CSMD1: variants seen among roughly 807,000 people sequenced by gnomAD.
CSMD1 encodes CUB and sushi domain-containing protein 1.
CSMD1 carries 213 observed loss-of-function variants against 417.5 expected under a neutral mutation model. The observed-to-expected ratio is 0.51, with a 90% CI of 0.46 to 0.57. The LOEUF (loss-of-function observed/expected upper bound fraction) is 0.57, where lower values mean the gene tolerates loss of function less well. CSMD1 is among the 20% of genes least tolerant of loss of function. CSMD1 has a pLI of 0.00. For synonymous variants in CSMD1, 2,862 were observed against 1,736.8 expected, an observed-to-expected ratio of 1.65 and a Z score of -16.11; for missense variants, 6,923 against 4,529.7, an observed-to-expected ratio of 1.53 and a Z score of -15.17.
intron 3 of CSMD1, among the ~76,000 whole-genome samples, chr8:4,303,310 C>A (rs946415712): frequency 6.6e-6 from 1 of 151,990 alleles, no homozygotes; most frequent in African/African-American, 2.4e-5. Flanking sequence ...TATAACCTGG[C>A]ACTGACAAAT....
At chr8:3,800,500 C>A (rs1240614845) in intron 5 of CSMD1, among the ~76,000 whole-genome samples, 2 of 152,090 alleles carry the variant, frequency 1.3e-5, no homozygotes, top group Non-Finnish European at 2.9e-5. Flanking sequence ...GGATCCCTAC[C>A]TCACACCATA....
At chr8:3,671,956 A>G (rs775881691) in intron 7 of CSMD1, among the ~76,000 whole-genome samples, 2 of 152,150 alleles carry the variant, frequency 1.3e-5, no homozygotes, top group Non-Finnish European at 2.9e-5. Context: ...TTTCGACCAC[A>G]CATTTTTAGT....
chr8:3,674,178 A>G (rs1799244096), intron 7 of CSMD1, among the ~76,000 whole-genome samples: 1 of 152,202 alleles, frequency 6.6e-6, no homozygotes, highest in South Asian at 2.1e-4. Flanking sequence ...GAAGACTTCG[A>G]GAAAATACAA....
At chr8:4,909,719 G>T (rs533904785) in intron 1 of CSMD1, among the ~76,000 whole-genome samples, 1 of 152,252 alleles carries the variant, frequency 6.6e-6, no homozygotes, top group South Asian at 2.1e-4. Context: ...GCTCATGAAA[G>T]TGACCATTTA....
intron 2 of CSMD1, among the ~76,000 whole-genome samples, chr8:4,456,054 T>G (rs4875345): frequency 1.9e-5 from 2 of 107,042 alleles, no homozygotes; most frequent in East Asian, 5.9e-4. Flanking sequence ...AATACTATCA[T>G]TGACCAAAAA....
chr8:3,035,220 G>A (rs907467361), intron 50 of CSMD1, among the ~76,000 whole-genome samples: 1 of 152,130 alleles, frequency 6.6e-6, no homozygotes, highest in Non-Finnish European at 1.5e-5. Flanking sequence ...CACCATCATA[G>A]GCAGATACTG....
intron 4 of CSMD1, among the ~76,000 whole-genome samples, chr8:4,019,954 A>T (rs565611534): frequency 1.5e-4 from 23 of 151,644 alleles, no homozygotes; most frequent in African/African-American, 5.6e-4. Context: ...AGAGCTACCA[A>T]TATTGAGATC....
At chr8:3,830,966 C>T (rs141706265) in intron 5 of CSMD1, among the ~76,000 whole-genome samples, 167 of 152,186 alleles carry the variant, frequency 1.1e-3, no homozygotes, top group Admixed American at 1.9e-3. Flanking sequence ...TCACCTAGGA[C>T]GATTAACACA....
chr8:4,397,252 G>T (rs1038167507), intron 3 of CSMD1, among the ~76,000 whole-genome samples: 3 of 151,872 alleles, frequency 2.0e-5, no homozygotes, highest in Non-Finnish European at 4.4e-5. Flanking sequence ...GTGAGCATGC[G>T]TTTTTTCATA....
chr8:3,433,922 A>T (rs1210655845), intron 12 of CSMD1, among the ~76,000 whole-genome samples: 2 of 152,116 alleles, frequency 1.3e-5, no homozygotes, highest in Non-Finnish European at 2.9e-5. Context: ...AAGGTGCTCA[A>T]CCCTGCAAAA....
chr8:3,770,611 G>A (rs555898346), intron 5 of CSMD1, among the ~76,000 whole-genome samples: 1 of 152,158 alleles, frequency 6.6e-6, no homozygotes, highest in Non-Finnish European at 1.5e-5. Flanking sequence ...GGCCATAAAT[G>A]AAGGGAAGAA....
intron 47 of CSMD1, 118 bp downstream of exon 47, chr8:3,096,731 T>C: frequency 2.7e-6 from 2 of 741,196 alleles, no homozygotes; most frequent in Non-Finnish European, 4.3e-6. Context: ...TTGTTTGCTT[T>C]GGGAAAACAT....
intron 3 of CSMD1, among the ~76,000 whole-genome samples, chr8:4,282,420 C>G (rs1036616471): frequency 2.0e-5 from 3 of 152,154 alleles, no homozygotes; most frequent in African/African-American, 7.2e-5. Context: ...CAAGGATGTC[C>G]TCTTCTCCAA....
intron 7 of CSMD1, among the ~76,000 whole-genome samples, chr8:3,679,862 G>C (rs1417397760): frequency 1.3e-5 from 2 of 152,086 alleles, no homozygotes; most frequent in African/African-American, 4.8e-5. Flanking sequence ...AATCAAACAA[G>C]AACTCAGGAT....
chr8:4,250,792 C>G (rs964163577), intron 3 of CSMD1, among the ~76,000 whole-genome samples: 3 of 152,130 alleles, frequency 2.0e-5, no homozygotes, highest in Non-Finnish European at 4.4e-5. Context: ...AATTACTTTT[C>G]TCTGTTGAAA....
intron 42 of CSMD1, among the ~76,000 whole-genome samples, chr8:3,114,054 AAAACAAACAAACAAAC>A (rs139727872): frequency 6.6e-6 from 1 of 150,626 alleles, no homozygotes; most frequent in Non-Finnish European, 1.5e-5. Flanking sequence ...CCCATCTATT[AAAACAAACAAACAAAC>A]AAACAAACAA....
intron 26 of CSMD1, among the ~76,000 whole-genome samples, chr8:3,257,018 T>C (rs1800702233): frequency 1.3e-5 from 2 of 152,188 alleles, no homozygotes; most frequent in African/African-American, 4.8e-5. Flanking sequence ...CATTTATTCC[T>C]TCATTCAGAA....
chr8:3,803,562 G>A (rs1403330757), intron 5 of CSMD1, among the ~76,000 whole-genome samples: 1 of 152,156 alleles, frequency 6.6e-6, no homozygotes, highest in Non-Finnish European at 1.5e-5. Flanking sequence ...CCCACAGGTG[G>A]GAAAGGCTCA....
At chr8:4,166,077 A>G (rs1222957280) in intron 3 of CSMD1, among the ~76,000 whole-genome samples, 1 of 152,192 alleles carries the variant, frequency 6.6e-6, no homozygotes, top group Non-Finnish European at 1.5e-5. Context: ...CCAATCTTGC[A>G]TTAATTACAT....
Sources: allele counts gnomAD v4.1 joint callset (sites outside exome capture counted in the v4.1 genomes callset), GRCh38; gene constraint gnomAD v4.1.1; transcripts MANE v1.5; gene names NCBI Gene and HGNC (gene_info 2026-07-23, HGNC 2026-07-21).